Variants in PLCH1 observed in about 807,000 individuals in gnomAD.
The protein encoded by PLCH1 is 1-phosphatidylinositol 4,5-bisphosphate phosphodiesterase eta-1.
PLCH1 carries 60 observed loss-of-function variants against 126.7 expected under a neutral mutation model. The observed-to-expected ratio is 0.47, with a 90% CI of 0.38 to 0.59. The LOEUF (loss-of-function observed/expected upper bound fraction) is 0.59. Ranked by LOEUF, PLCH1 falls within the 20% of genes least tolerant of loss-of-function variation. PLCH1 has a pLI of 0.00. For synonymous variants in PLCH1, 719 were observed against 734.9 expected (o/e 0.98, Z 0.35); for missense variants, 1,723 against 2,040.0 (o/e 0.84, Z 2.99).
chr3:155,494,600 A>G lies in PLCH1; in HGVS notation c.1895-83T>C, dbSNP rs73011571. On this transcript the variant is annotated intron_variant, in intron 15 of 22. Coordinates refer to ENST00000460012, the MANE Select transcript of PLCH1 (RefSeq NM_014996.4). ...GCACAGAAGACTTTATAATAATGTC[A>G]GATTATACCAATAGCAAAAAGCAGA... The G allele has an allele frequency of 2.7e-3, 2,974 of 1,092,258 alleles. 53 individuals are homozygous for G. In the African/African-American group the frequency reaches 0.041, roughly 15 times the overall value. The allele number at this position is 1,092,258 out of a possible 1,614,324, so 67.7% of individuals were successfully genotyped here.
chr3:155,531,342 A>G (rs1722645565), intron 10 of PLCH1, among the ~76,000 whole-genome samples: 1 of 152,198 alleles, frequency 6.6e-6, no homozygotes, highest in Non-Finnish European at 1.5e-5. Flanking sequence ...TCTGTTGTTT[A>G]GGCTGGGCAC....
chr3:155,573,639 G>T (rs1729548047), intron 6 of PLCH1, among the ~76,000 whole-genome samples: 1 of 152,086 alleles, frequency 6.6e-6, no homozygotes, highest in East Asian at 1.9e-4. Flanking sequence ...GTTCCAACAG[G>T]GTGAGGATGA....
intron 6 of PLCH1, among the ~76,000 whole-genome samples, chr3:155,573,272 T>G (rs1729484985): frequency 6.6e-6 from 1 of 152,238 alleles, no homozygotes; most frequent in South Asian, 2.1e-4. Context: ...AACTGAGTAT[T>G]GGAAGAGGGC....
chr3:155,692,874 A>T (rs1374614379), intron 2 of PLCH1, among the ~76,000 whole-genome samples: 2 of 151,946 alleles, frequency 1.3e-5, no homozygotes, highest in Non-Finnish European at 2.9e-5. Context: ...CTCCTGCCTC[A>T]GCCTCCTCAG....
chr3:155,575,972 C>T (rs757903713), intron 6 of PLCH1, among the ~76,000 whole-genome samples: 5 of 152,026 alleles, frequency 3.3e-5, no homozygotes, highest in Admixed American at 6.6e-5. Context: ...TATATAAAGG[C>T]GCTTCAATGT....
chr3:155,522,967 G>GGGT (rs1553811074), intron 11 of PLCH1, among the ~76,000 whole-genome samples: 9 of 149,426 alleles, frequency 6.0e-5, no homozygotes, highest in African/African-American at 2.3e-4. Flanking sequence ...TTTTTGCGGG[G>GGGT]GGGGTGGGGT....
intron 2 of PLCH1, among the ~76,000 whole-genome samples, chr3:155,627,644 A>AAT (rs1553740880): frequency 6.6e-5 from 10 of 151,206 alleles, no homozygotes; most frequent in Admixed American, 1.3e-4. Flanking sequence ...AAAAAAAAAA[A>AAT]AACAAATTGA....
chr3:155,695,700 CAATGAAGCAGCAA>C (rs1326341320), intron 2 of PLCH1, among the ~76,000 whole-genome samples: 1 of 152,158 alleles, frequency 6.6e-6, no homozygotes, highest in Non-Finnish European at 1.5e-5. Context: ...AATGATAACA[CAATGAAGCAGCAA>C]AATGAAGCAG....
intron 2 of PLCH1, among the ~76,000 whole-genome samples, chr3:155,701,208 G>T (rs1369866741): frequency 6.6e-6 from 1 of 152,198 alleles, no homozygotes; most frequent in Non-Finnish European, 1.5e-5. Context: ...ACTCTTAACA[G>T]TAGGTTTAAC....
chr3:155,736,989 G>A (rs1406878094), intron 1 of PLCH1, among the ~76,000 whole-genome samples: 1 of 151,906 alleles, frequency 6.6e-6, no homozygotes, highest in Non-Finnish European at 1.5e-5. Flanking sequence ...CAGCACTTTG[G>A]GAGGCCGAAG....
chr3:155,595,712 GTATC>G lies in PLCH1; in HGVS notation c.226+516_226+519del, dbSNP rs550937783. ...ACTAAGTCCTCTCTCATACATCTAT[GTATC>G]TATCTATCTATCTATCTATCCTATT... On this transcript the variant is annotated intron_variant, in intron 3 of 22. Coordinates refer to ENST00000460012, the MANE Select transcript of PLCH1 (RefSeq NM_014996.4). Among the ~76,000 whole-genome samples the G allele has an allele frequency of 6.5e-3, 994 of 152,016 alleles. 17 individuals are homozygous for G. The highest frequency in any genetic ancestry group is 0.023 in the African/African-American group (933 of 41,460).
intron 22 of PLCH1, among the ~76,000 whole-genome samples, chr3:155,483,792 A>T (rs2108020584): frequency 6.6e-6 from 1 of 152,286 alleles, no homozygotes; most frequent in East Asian, 1.9e-4. Flanking sequence ...TAAAAACACA[A>T]TTCACAGTAA....
At chr3:155,585,475 AG>A (rs1489908471) in intron 5 of PLCH1, among the ~76,000 whole-genome samples, 2 of 152,210 alleles carry the variant, frequency 1.3e-5, no homozygotes, top group African/African-American at 4.8e-5. Flanking sequence ...TTCGGTACTC[AG>A]GTAAGGATTA....
chr3:155,539,701 C>G (rs1053395486), intron 10 of PLCH1, among the ~76,000 whole-genome samples: 6 of 152,030 alleles, frequency 3.9e-5, no homozygotes, highest in African/African-American at 1.5e-4. Flanking sequence ...AAGATATCTA[C>G]AAGGAAAACT....
intron 8 of PLCH1, among the ~76,000 whole-genome samples, chr3:155,563,764 A>G (rs758197288): frequency 6.6e-5 from 10 of 152,174 alleles, no homozygotes; most frequent in Non-Finnish European, 1.3e-4. Context: ...AAAAACTAAA[A>G]TGAAATTCCT....
chr3:155,574,687 A>G (rs1729698668), intron 6 of PLCH1, among the ~76,000 whole-genome samples: 1 of 152,216 alleles, frequency 6.6e-6, no homozygotes, highest in Non-Finnish European at 1.5e-5. Flanking sequence ...AGCTACCTCT[A>G]ATTCATCCTA....
At chr3:155,539,509 A>C (rs916939037) in intron 10 of PLCH1, among the ~76,000 whole-genome samples, 3 of 152,142 alleles carry the variant, frequency 2.0e-5, no homozygotes, top group Non-Finnish European at 4.4e-5. Context: ...GAAAACCCTA[A>C]AGGCTCATCC....
In PLCH1 at chr3:155,593,554, A is replaced by T. The variant is rs193159205; in HGVS notation, c.470+387T>A. Among the ~76,000 whole-genome samples, 462 of 152,358 alleles carry T rather than the reference A, an allele frequency of 3.0e-3. 2 individuals carry two copies. Among genetic ancestry groups the T allele is most frequent in the South Asian group, 0.02 (97 of 4,828 alleles). On this transcript the variant is annotated intron_variant, in intron 4 of 22. Coordinates refer to ENST00000460012, the MANE Select transcript of PLCH1 (RefSeq NM_014996.4). ...AACTAAACTGACTTTATAACAAAGT[A>T]GGATTTTCTCTAATCCAAATCAGTG...
intron 19 of PLCH1, 148 bp downstream of exon 19, chr3:155,490,636 T>C (rs1716038091): frequency 5.7e-6 from 3 of 527,364 alleles, no homozygotes; most frequent in Middle Eastern, 3.9e-4. Flanking sequence ...GTTACTTAGT[T>C]TTATGTGTTG....
Sources: allele counts gnomAD v4.1 joint callset (sites outside exome capture counted in the v4.1 genomes callset), GRCh38; gene constraint gnomAD v4.1.1; transcripts MANE v1.5; gene names NCBI Gene and HGNC (gene_info 2026-07-23, HGNC 2026-07-21).